LRP5: variants seen among roughly 807,000 people sequenced by gnomAD.
The protein encoded by LRP5 is LDL receptor related protein 5.
Under a neutral mutation model 154.1 loss-of-function variants are expected in LRP5, and 62 were observed. That is an observed-to-expected ratio of 0.40 (90% CI 0.33 to 0.50). LRP5 has a LOEUF of 0.50. Among genes scored for constraint, LRP5 ranks in the 20% least tolerant of loss-of-function variants. LRP5 has a pLI of 0.55. For missense variants in LRP5, 1,915 were observed against 2,336.7 expected, an observed-to-expected ratio of 0.82 and a Z score of 3.72; for synonymous variants, 966 against 1,011.5, an observed-to-expected ratio of 0.96 and a Z score of 0.85.
At chr11:68,396,739 C>T (rs540256503) in intron 7 of LRP5, among the ~76,000 whole-genome samples, 15 of 151,976 alleles carry the variant, frequency 9.9e-5, no homozygotes, top group Middle Eastern at 3.4e-3. Context: ...AGGGTTTTAG[C>T]CCCATCCTGC....
At chr11:68,358,392 C>T (rs1224044854) in intron 3 of LRP5, among the ~76,000 whole-genome samples, 2 of 152,176 alleles carry the variant, frequency 1.3e-5, no homozygotes, top group Non-Finnish European at 1.5e-5. Context: ...GGATTACAGG[C>T]GTGAGCCACC....
At chr11:68,339,652 T>C (rs574691316) in intron 1 of LRP5, among the ~76,000 whole-genome samples, 209 of 152,278 alleles carry the variant, frequency 1.4e-3, no homozygotes, top group African/African-American at 4.8e-3. Flanking sequence ...GGCCATAATA[T>C]TCGTTTTTAT....
At chr11:68,328,218 G>A (rs1019925288) in intron 1 of LRP5, among the ~76,000 whole-genome samples, 6 of 143,300 alleles carry the variant, frequency 4.2e-5, no homozygotes, top group African/African-American at 1.2e-4. Flanking sequence ...TGGCATCCAC[G>A]TTGCTGCAAT....
chr11:68,403,915 G>GGTTAGAAAGTGAC, intron 8 of LRP5: 1 of 612,138 alleles, frequency 1.6e-6, no homozygotes, highest in South Asian at 2.0e-5. Flanking sequence ...CGGTAACAAT[G>GGTTAGAAAGTGAC]GTTAGAAAGT....
chr11:68,326,249 G>C (rs1311760192), intron 1 of LRP5, among the ~76,000 whole-genome samples: 1 of 152,180 alleles, frequency 6.6e-6, no homozygotes, highest in Non-Finnish European at 1.5e-5. Context: ...GTATGGCAGG[G>C]GGCTGAGGGC....
intron 7 of LRP5, among the ~76,000 whole-genome samples, chr11:68,397,383 G>T (rs532080008): frequency 6.6e-6 from 1 of 152,094 alleles, no homozygotes; most frequent in Non-Finnish European, 1.5e-5. Flanking sequence ...CTTCCCACCC[G>T]CTGGCCGTGC....
Position 68,400,480 on chromosome 11 carries a change from G to A in LRP5, c.1585-3003G>A, listed in dbSNP as rs147876015. On this transcript the variant is annotated intron_variant, in intron 7 of 22. Coordinates refer to ENST00000294304, the MANE Select transcript of LRP5 (RefSeq NM_002335.4). ...CACGCCTGTAAATCCCAGTACTTTGGGAGGCTGAGGCGGGCAGATCACCTG... is the reference window on the plus strand; with the variant it reads ...CACGCCTGTAAATCCCAGTACTTTGAGAGGCTGAGGCGGGCAGATCACCTG... Among the ~76,000 whole-genome samples, 454 of 152,246 alleles carry A rather than the reference G, an allele frequency of 3.0e-3. 5 individuals are homozygous for A. In the East Asian group the frequency reaches 0.033, roughly 11 times the overall value.
At chr11:68,426,310 A>G (rs1591313416) in intron 16 of LRP5, 123 bp downstream of exon 16, 19 of 785,456 alleles carry the variant, frequency 2.4e-5, no homozygotes, top group East Asian at 1.9e-4. Context: ...CCAGATGCCA[A>G]CTGTTGCCCG....
At chr11:68,370,913 A>G (rs1033242885) in intron 5 of LRP5, among the ~76,000 whole-genome samples, 36 of 152,330 alleles carry the variant, frequency 2.4e-4, no homozygotes, top group Middle Eastern at 3.4e-3. Context: ...AAGCTCCTCA[A>G]TGAGACAGAA....
intron 19 of LRP5, 129 bp from the exon 20 acceptor site, chr11:68,438,317 C>T: frequency 3.2e-6 from 3 of 929,106 alleles, no homozygotes; most frequent in Admixed American, 1.7e-5. Context: ...CCTCCCAGCT[C>T]CCCCACTTTC....
chr11:68,330,272 A>G (rs1207721968), intron 1 of LRP5, among the ~76,000 whole-genome samples: 1 of 151,948 alleles, frequency 6.6e-6, no homozygotes, highest in Non-Finnish European at 1.5e-5. Flanking sequence ...GGCCACTGCA[A>G]TGAGATACAG....
intron 13 of LRP5, among the ~76,000 whole-genome samples, chr11:68,418,681 T>C (rs1441057536): frequency 6.6e-6 from 1 of 152,134 alleles, no homozygotes; most frequent in African/African-American, 2.4e-5. Flanking sequence ...TCTGTGTCCT[T>C]GGTTGATGGC....
chr11:68,343,018 A>C (rs1334710664), intron 1 of LRP5, among the ~76,000 whole-genome samples: 1 of 152,216 alleles, frequency 6.6e-6, no homozygotes, highest in Admixed American at 6.5e-5. Flanking sequence ...CCCTAAGGGC[A>C]GGTATGCCTG....
At position 68,403,902 on chromosome 11, in the gene LRP5, T is replaced by G. The variant is rs2098654096; in HGVS notation, c.1801+203T>G. On this transcript the variant is annotated intron_variant, in intron 8 of 22. Coordinates refer to ENST00000294304, the MANE Select transcript of LRP5 (RefSeq NM_002335.4). ...TTAGGGAGTGGTTATGGACTAGGAATGTCGGTAACAATGGTTAGAAAGTGA... is the reference window on the plus strand; with the variant it reads ...TTAGGGAGTGGTTATGGACTAGGAAGGTCGGTAACAATGGTTAGAAAGTGA... The G allele has an allele frequency of 6.5e-6, 4 of 619,318 alleles. No homozygotes were observed. In the Admixed American group the frequency reaches 1.2e-4, roughly 18 times the overall value. The allele number at this position is 619,318 out of a possible 1,614,324, so 38.4% of individuals were successfully genotyped here. A position where few individuals can be genotyped will look rare whatever the true frequency, so the allele number is the denominator to read the frequency against.
At chr11:68,418,485 TG>T (rs930559311) in intron 13 of LRP5, among the ~76,000 whole-genome samples, 8 of 151,852 alleles carry the variant, frequency 5.3e-5, no homozygotes, top group African/African-American at 1.9e-4. Context: ...GGTGAAATCT[TG>T]GTACTTTCTT....
intron 1 of LRP5, among the ~76,000 whole-genome samples, chr11:68,330,488 C>G (rs539157448): frequency 4.6e-5 from 7 of 152,310 alleles, no homozygotes; most frequent in South Asian, 4.1e-4. Context: ...CCTCCTCTTG[C>G]TGGAATCTCT....
At chr11:68,427,907 A>G (rs2098669656) in intron 16 of LRP5, among the ~76,000 whole-genome samples, 1 of 152,128 alleles carries the variant, frequency 6.6e-6, no homozygotes, top group African/African-American at 2.4e-5. Flanking sequence ...TTAACTGGAT[A>G]GAATAACGCG....
At chr11:68,410,187 G>A (rs771617105) in intron 10 of LRP5, 47 bp downstream of exon 10, 2 of 1,517,012 alleles carry the variant, frequency 1.3e-6, no homozygotes, top group Non-Finnish European at 1.8e-6. Flanking sequence ...CCTCGTATGA[G>A]ACAGTGCGGG....
rs1215554009 is a variant in LRP5, at chr11:68,312,862, G to T, written c.91+57G>T. ...GGTTGCTCGGACAATGGCCCGGGCG[G>T]CCCCGCGGCCAAGTGCGCGGGCGCC... On this transcript the variant is annotated intron_variant, in intron 1 of 22. Coordinates refer to ENST00000294304, the MANE Select transcript of LRP5 (RefSeq NM_002335.4). 9.6e-6 allele frequency: 9 copies of T among 937,672 alleles called. No homozygotes were observed. The East Asian group carries it at 4.2e-4, about 44-fold the overall frequency. The allele number at this position is 937,672 out of a possible 1,614,324, so 58.1% of individuals were successfully genotyped here. A position where few individuals can be genotyped will look rare whatever the true frequency, so the allele number is the denominator to read the frequency against.
Sources: allele counts gnomAD v4.1 joint callset (sites outside exome capture counted in the v4.1 genomes callset), GRCh38; gene constraint gnomAD v4.1.1; transcripts MANE v1.5; gene names NCBI Gene and HGNC (gene_info 2026-07-23, HGNC 2026-07-21).